Variants in ANKRD17 observed in about 807,000 individuals in gnomAD.
ANKRD17 encodes the protein ankyrin repeat domain 17, also known as ankyrin repeat domain-containing protein 17.
ANKRD17 carries 19 observed loss-of-function variants against 229.7 expected under a neutral mutation model. That is an observed-to-expected ratio of 0.08 (90% CI 0.06 to 0.12). The LOEUF (loss-of-function observed/expected upper bound fraction) is 0.12, where lower values mean the gene tolerates loss of function less well. ANKRD17 is among the 10% of genes least tolerant of loss of function. The pLI is 1.00. For missense variants in ANKRD17, 2,176 were observed against 3,176.8 expected (o/e 0.68, Z 7.57); for synonymous variants, 1,112 against 1,146.1 (o/e 0.97, Z 0.60).
intron 10 of ANKRD17, among the ~76,000 whole-genome samples, chr4:73,145,438 T>C (rs186191913): frequency 6.0e-4 from 91 of 152,322 alleles, no homozygotes; most frequent in Middle Eastern, 6.8e-3. Context: ...TGCATACTTA[T>C]GATTACTAAG....
At chr4:73,228,813 G>T (rs999114521) in intron 1 of ANKRD17, among the ~76,000 whole-genome samples, 10 of 152,114 alleles carry the variant, frequency 6.6e-5, no homozygotes, top group African/African-American at 2.4e-4. Context: ...AAATCATGCT[G>T]CTATAAAGGC....
In ANKRD17 at chr4:73,075,567, C is replaced by A. The variant is rs1720943242; in HGVS notation, c.*664G>T. ...CCAGAAATTTCTTCTTCTATATGTG[C>A]CTTGCTACAAATAAACCAAAAAGAA... On this transcript the variant is annotated 3_prime_UTR_variant, in exon 34 of 34. Coordinates refer to ENST00000358602, the MANE Select transcript of ANKRD17 (RefSeq NM_032217.5). The A allele has an allele frequency of 6.6e-6, 1 of 152,492 alleles. No individual in the cohort carries two copies. The highest frequency in any genetic ancestry group is 2.4e-5 in the African/African-American group (1 of 41,410). The allele number at this position is 152,492 out of a possible 1,614,324, so 9.4% of individuals were successfully genotyped here.
rs770264537 is a variant in ANKRD17, at chr4:73,091,844, A to G, written c.5784T>C (p.Pro1928=). The change falls in exon 29 of 34, where the codon CCT becomes CCC. Residue 1928 remains proline, a synonymous_variant. Transcript: ENST00000358602. Reference sequence around the variant, plus strand: ...CTCTGGCAGGGCTCAAAGGCCTGACAGGAAACGGACCCCAAGTGGATTGAG... The same window carrying G: ...CTCTGGCAGGGCTCAAAGGCCTGACGGGAAACGGACCCCAAGTGGATTGAG... ...PPAQSTWGPF[P]VRPLSPARAT... 9 of 1,614,220 alleles carry G rather than the reference A, an allele frequency of 5.6e-6. No individual in the cohort carries two copies. In the Admixed American group the frequency reaches 8.3e-5, roughly 15 times the overall value.
At chr4:73,224,846 C>T (rs1178413675) in intron 1 of ANKRD17, among the ~76,000 whole-genome samples, 3 of 152,144 alleles carry the variant, frequency 2.0e-5, no homozygotes, top group Non-Finnish European at 2.9e-5. Flanking sequence ...GACTGGAGTC[C>T]ATATCCAGAA....
intron 18 of ANKRD17, among the ~76,000 whole-genome samples, chr4:73,122,891 T>C (rs941315189): frequency 2.6e-5 from 4 of 152,102 alleles, no homozygotes; most frequent in Admixed American, 1.3e-4. Context: ...ATTTCTCAAT[T>C]CTTTCAGAGA....
At chr4:73,095,035 A>T (rs1240932905) in intron 27 of ANKRD17, among the ~76,000 whole-genome samples, 1 of 151,860 alleles carries the variant, frequency 6.6e-6, no homozygotes, top group African/African-American at 2.4e-5. Context: ...TTAGCCAGGC[A>T]TGGTGGTGTG....
intron 16 of ANKRD17, among the ~76,000 whole-genome samples, chr4:73,131,197 A>T (rs1174243829): frequency 6.6e-6 from 1 of 152,182 alleles, no homozygotes; most frequent in African/African-American, 2.4e-5. Context: ...AAAACTGGAG[A>T]GTTGGAAAGT....
intron 6 of ANKRD17, among the ~76,000 whole-genome samples, chr4:73,152,577 C>T (rs1281708354): frequency 1.3e-5 from 2 of 152,130 alleles, no homozygotes; most frequent in Non-Finnish European, 2.9e-5. Flanking sequence ...TTAAAGCCTG[C>T]AAGCCCCAAC....
chr4:73,153,174 G>A (rs998421709), intron 6 of ANKRD17, among the ~76,000 whole-genome samples: 3 of 152,014 alleles, frequency 2.0e-5, no homozygotes, highest in Non-Finnish European at 4.4e-5. Flanking sequence ...TTTTTTACTA[G>A]GTTTTGCAAA....
At chr4:73,115,422 C>CA (rs1210604181) in intron 23 of ANKRD17, among the ~76,000 whole-genome samples, 1 of 152,120 alleles carries the variant, frequency 6.6e-6, no homozygotes, top group Non-Finnish European at 1.5e-5. Flanking sequence ...TTCCAAGTAG[C>CA]TGGGATTATA....
chr4:73,080,981 G>A (rs148115602), intron 30 of ANKRD17, among the ~76,000 whole-genome samples: 40 of 152,238 alleles, frequency 2.6e-4, no homozygotes, highest in African/African-American at 9.4e-4. Context: ...AGGCTTGCCC[G>A]CTGAGCTGCG....
At chr4:73,227,074 C>T (rs1204467042) in intron 1 of ANKRD17, among the ~76,000 whole-genome samples, 1 of 152,108 alleles carries the variant, frequency 6.6e-6, no homozygotes, top group Non-Finnish European at 1.5e-5. Context: ...TGCAGGATAC[C>T]ATGGGCAAAA....
At chr4:73,248,687 T>C in intron 1 of ANKRD17, among the ~76,000 whole-genome samples, 1 of 152,178 alleles carries the variant, frequency 6.6e-6, no homozygotes, top group East Asian at 1.9e-4. Flanking sequence ...TCAATGTATG[T>C]AAGTTTTACT....
intron 1 of ANKRD17, among the ~76,000 whole-genome samples, chr4:73,210,724 T>G (rs911642139): frequency 8.5e-5 from 13 of 152,116 alleles, no homozygotes; most frequent in Non-Finnish European, 1.5e-4. Flanking sequence ...CTGAAAAAGT[T>G]ATCTACTACC....
At chr4:73,239,661 T>A (rs934079680) in intron 1 of ANKRD17, among the ~76,000 whole-genome samples, 1 of 152,140 alleles carries the variant, frequency 6.6e-6, no homozygotes, top group Non-Finnish European at 1.5e-5. Context: ...ATATAAAAAA[T>A]CTTCAACTCT....
At chr4:73,207,305 T>C (rs1739600373) in intron 1 of ANKRD17, among the ~76,000 whole-genome samples, 1 of 151,438 alleles carries the variant, frequency 6.6e-6, no homozygotes, top group Admixed American at 6.6e-5. Flanking sequence ...ATTAAAGATA[T>C]ATGAAAAACA....
At chr4:73,134,102 C>T (rs1728593018) in intron 16 of ANKRD17, among the ~76,000 whole-genome samples, 1 of 152,030 alleles carries the variant, frequency 6.6e-6, no homozygotes, top group African/African-American at 2.4e-5. Context: ...GACATTTGGC[C>T]AACAAGTAAG....
chr4:73,110,509 A>G (rs1031471507), intron 24 of ANKRD17, among the ~76,000 whole-genome samples: 2 of 152,210 alleles, frequency 1.3e-5, no homozygotes, highest in African/African-American at 4.8e-5. Flanking sequence ...CAAATTAGAA[A>G]GACTGACCAA....
At chr4:73,121,963 T>C (rs1395119127) in intron 18 of ANKRD17, among the ~76,000 whole-genome samples, 1 of 152,132 alleles carries the variant, frequency 6.6e-6, no homozygotes, top group Non-Finnish European at 1.5e-5. Flanking sequence ...AAAACCCATG[T>C]AGAAATCCAC....
Sources: gnomAD v4.1 joint callset for allele counts (sites outside exome capture counted in the v4.1 genomes callset) on GRCh38, gnomAD v4.1.1 for gene constraint, MANE v1.5 for transcripts, NCBI Gene and HGNC (gene_info 2026-07-23, HGNC 2026-07-21) for gene names.